Variants in MSR1 observed in about 807,000 individuals in gnomAD.
MSR1 encodes the protein macrophage scavenger receptor types I and II.
Under a neutral mutation model 47.2 loss-of-function variants are expected in MSR1, and 53 were observed. The observed-to-expected ratio is 1.12, with a 90% CI of 0.90 to 1.41. The LOEUF is 1.41. MSR1 is among the 40% of genes most tolerant of loss of function. The pLI, the probability that MSR1 is intolerant of heterozygous loss-of-function variation, is 0.00. For synonymous variants in MSR1, 239 were observed against 185.6 expected, an observed-to-expected ratio of 1.29 and a Z score of -2.34; for missense variants, 786 against 546.9, an observed-to-expected ratio of 1.44 and a Z score of -4.36.
intron 9 of MSR1, among the ~76,000 whole-genome samples, chr8:16,111,841 T>A (rs1428730261): frequency 6.6e-6 from 1 of 152,196 alleles, no homozygotes; most frequent in Non-Finnish European, 1.5e-5. Flanking sequence ...TCAGCAAGGA[T>A]AAGGAACTGT....
chr8:16,185,501 T>A (rs1017891847), intron 1 of MSR1, among the ~76,000 whole-genome samples: 2 of 152,100 alleles, frequency 1.3e-5, no homozygotes, highest in African/African-American at 2.4e-5. Flanking sequence ...TACTGTATAG[T>A]GGAGAATATG....
intron 9 of MSR1, among the ~76,000 whole-genome samples, chr8:16,115,830 A>T (rs958642263): frequency 2.6e-5 from 4 of 151,472 alleles, no homozygotes; most frequent in Non-Finnish European, 5.9e-5. Flanking sequence ...ATTAAGATTT[A>T]AAAAAAAATT....
chr8:16,118,685 A>AAAAAAC (rs1799931769), intron 9 of MSR1, among the ~76,000 whole-genome samples: 1 of 152,072 alleles, frequency 6.6e-6, no homozygotes, highest in Non-Finnish European at 1.5e-5. Flanking sequence ...TCCAAAACCA[A>AAAAAAC]AAAAACAAAA....
intron 3 of MSR1, among the ~76,000 whole-genome samples, chr8:16,170,128 T>A (rs1801439109): frequency 6.6e-6 from 1 of 152,008 alleles, no homozygotes; most frequent in Non-Finnish European, 1.5e-5. Context: ...GGGAGGTGGA[T>A]CCCCAGGTCA....
intron 1 of MSR1, among the ~76,000 whole-genome samples, chr8:16,184,464 C>T (rs764198613): frequency 6.6e-6 from 1 of 152,058 alleles, no homozygotes; most frequent in Non-Finnish European, 1.5e-5. Flanking sequence ...GTTGGTAGTA[C>T]ACTATTTATG....
intron 4 of MSR1, among the ~76,000 whole-genome samples, chr8:16,166,169 T>C (rs1801302410): frequency 1.5e-5 from 2 of 135,398 alleles, no homozygotes; most frequent in Admixed American, 7.5e-5. Flanking sequence ...TCTTTCTTTT[T>C]TTTTTTTTTT....
intron 9 of MSR1, 30 bp downstream of exon 9, chr8:16,120,388 A>C: frequency 6.2e-7 from 1 of 1,611,708 alleles, no homozygotes; most frequent in Non-Finnish European, 8.5e-7. Flanking sequence ...AACAACAACA[A>C]CAAACCTCAC....
At chr8:16,131,908 G>C (rs1800269637) in intron 8 of MSR1, among the ~76,000 whole-genome samples, 1 of 151,678 alleles carries the variant, frequency 6.6e-6, no homozygotes, top group South Asian at 2.1e-4. Flanking sequence ...TTGAAGTCAG[G>C]TACCATGATA....
intron 5 of MSR1, among the ~76,000 whole-genome samples, chr8:16,158,870 G>A (rs1463271060): frequency 6.8e-6 from 1 of 147,858 alleles, no homozygotes; most frequent in Non-Finnish European, 1.5e-5. Context: ...TTCCTCAGCT[G>A]AATTTTTCCT....
At chr8:16,162,750 T>C (rs1407982599) in intron 5 of MSR1, among the ~76,000 whole-genome samples, 1 of 151,936 alleles carries the variant, frequency 6.6e-6, no homozygotes, top group African/African-American at 2.4e-5. Flanking sequence ...TGGGTTAACT[T>C]GCAGGTATCT....
At chr8:16,133,415 C>G (rs1483876120) in intron 8 of MSR1, among the ~76,000 whole-genome samples, 1 of 152,150 alleles carries the variant, frequency 6.6e-6, no homozygotes, top group East Asian at 1.9e-4. Context: ...CCCATTGAAA[C>G]TCTCCCAAAA....
intron 8 of MSR1, among the ~76,000 whole-genome samples, chr8:16,124,143 G>C (rs960557406): frequency 2.0e-5 from 3 of 152,118 alleles, no homozygotes; most frequent in Admixed American, 1.3e-4. Flanking sequence ...CTATGGCCTA[G>C]TTTGGGCCAA....
chr8:16,159,625 A>G, intron 5 of MSR1, among the ~76,000 whole-genome samples: 1 of 152,152 alleles, frequency 6.6e-6, no homozygotes, highest in East Asian at 1.9e-4. Context: ...ATTAATAGAT[A>G]TTTTATGGCT....
At chr8:16,157,355 T>A (rs536812796) in intron 5 of MSR1, among the ~76,000 whole-genome samples, 2 of 151,920 alleles carry the variant, frequency 1.3e-5, no homozygotes, top group Non-Finnish European at 2.9e-5. Context: ...TCACAGCGAA[T>A]AGATCAGTAT....
In MSR1 at chr8:16,143,689, C is replaced by T. The variant is rs924910481; in HGVS notation, c.980-78G>A. On this transcript the variant is annotated intron_variant, in intron 7 of 9. Transcript: ENST00000262101. ...TGCTTTAACTGGAGACAGATCATCA[C>T]AAGGTAATTAAAATATAATAGAATG... 1.7e-5 allele frequency: 17 copies of T among 1,024,404 alleles called. No homozygotes were observed. In the Admixed American group the frequency reaches 3.0e-4, roughly 18 times the overall value. 63.5% of individuals were successfully genotyped at this position (1,024,404 alleles called of 1,614,324 possible). A position where few individuals can be genotyped will look rare whatever the true frequency, so the allele number is the denominator to read the frequency against.
chr8:16,181,580 A>G (rs570694067), intron 1 of MSR1, among the ~76,000 whole-genome samples: 1 of 152,252 alleles, frequency 6.6e-6, no homozygotes, highest in East Asian at 1.9e-4. Flanking sequence ...GATCTCACGT[A>G]TAAGTGGGAG....
At chr8:16,161,472 C>G (rs567612952) in intron 5 of MSR1, among the ~76,000 whole-genome samples, 1 of 151,850 alleles carries the variant, frequency 6.6e-6, no homozygotes, top group Non-Finnish European at 1.5e-5. Context: ...TCTTTATCAT[C>G]TGTTTTATTG....
At chr8:16,124,067 C>T (rs1259174846) in intron 8 of MSR1, among the ~76,000 whole-genome samples, 2 of 152,152 alleles carry the variant, frequency 1.3e-5, no homozygotes, top group Non-Finnish European at 2.9e-5. Context: ...TTCTGACACT[C>T]ACCTAACTTG....
At chr8:16,153,184 G>A (rs1325598298) in intron 6 of MSR1, among the ~76,000 whole-genome samples, 1 of 151,908 alleles carries the variant, frequency 6.6e-6, no homozygotes, top group South Asian at 2.1e-4. Flanking sequence ...TGTAGAGATG[G>A]GGAAGCAATA....
Sources: gnomAD v4.1 joint callset for allele counts (sites outside exome capture counted in the v4.1 genomes callset) on GRCh38, gnomAD v4.1.1 for gene constraint, MANE v1.5 for transcripts, NCBI Gene and HGNC (gene_info 2026-07-23, HGNC 2026-07-21) for gene names.